GALNT1: variants seen among roughly 807,000 people sequenced by gnomAD.
GALNT1 encodes the protein polypeptide N-acetylgalactosaminyltransferase 1, also known as GalNAc transferase 1.
GALNT1 carries 17 observed loss-of-function variants against 65.7 expected under a neutral mutation model. That is an observed-to-expected ratio of 0.26 (90% CI 0.18 to 0.39). The LOEUF is 0.39. Among genes scored for constraint, GALNT1 ranks in the 10% least tolerant of loss-of-function variants. The probability of loss-of-function intolerance (pLI) is 1.00; values close to 1 mark genes in which losing one functional copy is unlikely to be tolerated. For synonymous variants in GALNT1, 210 were observed against 219.7 expected, an observed-to-expected ratio of 0.96 and a Z score of 0.39; for missense variants, 460 against 672.8, an observed-to-expected ratio of 0.68 and a Z score of 3.50.
At chr18:35,672,684 A>G (rs1384332159) in intron 3 of GALNT1, among the ~76,000 whole-genome samples, 3 of 152,010 alleles carry the variant, frequency 2.0e-5, no homozygotes, top group Non-Finnish European at 2.9e-5. Context: ...AGAGTTAAAT[A>G]GAAGTAACAG....
intron 3 of GALNT1, among the ~76,000 whole-genome samples, chr18:35,673,202 AAG>A (rs2047660148): frequency 6.6e-6 from 1 of 152,184 alleles, no homozygotes; most frequent in African/African-American, 2.4e-5. Flanking sequence ...ATGGGAGAAA[AAG>A]AATACATTGA....
chr18:35,703,337 A>G (rs1367890517), intron 10 of GALNT1, among the ~76,000 whole-genome samples, 172 bp from the exon 11 acceptor site: 1 of 152,210 alleles, frequency 6.6e-6, no homozygotes, highest in Non-Finnish European at 1.5e-5. Flanking sequence ...GTAACATAAC[A>G]TCAATGTAAA....
chr18:35,603,519 T>C (rs970546951), intron 1 of GALNT1, among the ~76,000 whole-genome samples: 1 of 152,186 alleles, frequency 6.6e-6, no homozygotes, highest in Non-Finnish European at 1.5e-5. Flanking sequence ...TCTATACATA[T>C]TTTAAATGGT....
intron 1 of GALNT1, chr18:35,627,348 AAGTGGAAC>A (rs2046931871): frequency 6.6e-6 from 1 of 152,266 alleles, no homozygotes; most frequent in South Asian, 2.1e-4. Flanking sequence ...GCCTACAGTT[AAGTGGAAC>A]AGGGTGGCTG....
At chr18:35,599,722 C>T (rs1488154241) in intron 1 of GALNT1, among the ~76,000 whole-genome samples, 1 of 152,168 alleles carries the variant, frequency 6.6e-6, no homozygotes, top group Non-Finnish European at 1.5e-5. Flanking sequence ...AAATAGGGAT[C>T]TAGCTTTATT....
At chr18:35,668,797 A>G (rs187114333) in intron 3 of GALNT1, among the ~76,000 whole-genome samples, 1 of 152,344 alleles carries the variant, frequency 6.6e-6, no homozygotes, top group East Asian at 1.9e-4. Flanking sequence ...AATGACGTAA[A>G]GATAAGATTA....
chr18:35,631,743 A>G (rs984911314), intron 1 of GALNT1, among the ~76,000 whole-genome samples: 2 of 152,164 alleles, frequency 1.3e-5, no homozygotes, highest in African/African-American at 4.8e-5. Context: ...AGGGTATTCA[A>G]TTAGGAAAAG....
chr18:35,683,122 A>C (rs1186989634), intron 4 of GALNT1, among the ~76,000 whole-genome samples: 1 of 152,158 alleles, frequency 6.6e-6, no homozygotes, highest in African/African-American at 2.4e-5. Context: ...AGAGTTACTT[A>C]GCGAAACATA....
intron 11 of GALNT1, among the ~76,000 whole-genome samples, chr18:35,704,958 C>T (rs1416252936): frequency 6.6e-6 from 1 of 152,182 alleles, no homozygotes; most frequent in East Asian, 1.9e-4. Context: ...CTGATATTTT[C>T]ATATCCTCTT....
chr18:35,639,249 G>A (rs1322903212), intron 1 of GALNT1, among the ~76,000 whole-genome samples: 1 of 152,052 alleles, frequency 6.6e-6, no homozygotes, highest in Non-Finnish European at 1.5e-5. Context: ...AAGAAATTGC[G>A]ACAGCCACTC....
rs531190240 is a variant in GALNT1 at position 35,628,222 on chromosome 18, T to G, written c.-103-26338T>G. The stretch of plus-strand genomic sequence containing the variant: ...TCTGACAGCTTGGAAGAGAGTAGTG[T>G]TTCTCCCAGCATGGAGTTTGAGATC... On this transcript the variant is annotated intron_variant, in intron 1 of 11. Coordinates refer to ENST00000269195, the MANE Select transcript of GALNT1 (RefSeq NM_020474.4). 3.9e-4 allele frequency among the ~76,000 whole-genome samples: 60 copies of G among 152,200 alleles called. No homozygotes were observed. In the Middle Eastern group the frequency reaches 0.01, roughly 26 times the overall value.
At position 35,611,920 on chromosome 18, in the gene GALNT1, A is replaced by G. The variant is rs552957587; in HGVS notation, c.-104+30058A>G. ...CCCACAAAGCTTCTGTTTTTACACA[A>G]AAATCCTGTCTCTAAATTTGTAGGC... On this transcript the variant is annotated intron_variant, in intron 1 of 11. Coordinates refer to ENST00000269195, the MANE Select transcript of GALNT1 (RefSeq NM_020474.4). 3.4e-4 allele frequency among the ~76,000 whole-genome samples: 52 copies of G among 152,356 alleles called. No homozygotes were observed. In the South Asian group the frequency reaches 5.4e-3, roughly 16 times the overall value.
chr18:35,679,187 T>C (rs2047753165), intron 4 of GALNT1, among the ~76,000 whole-genome samples: 2 of 152,190 alleles, frequency 1.3e-5, no homozygotes, highest in South Asian at 2.1e-4. Flanking sequence ...AAAATTAACC[T>C]AAGTTAATAT....
chr18:35,696,518 T>C (rs1189922431), intron 9 of GALNT1, among the ~76,000 whole-genome samples: 2 of 152,236 alleles, frequency 1.3e-5, no homozygotes, highest in African/African-American at 4.8e-5. Context: ...GAGCTGAGTA[T>C]TCTAAACAAC....
At position 35,688,785 on chromosome 18, in the gene GALNT1, T is replaced by C. The variant is rs530192134; in HGVS notation, c.861-388T>C. Among the ~76,000 whole-genome samples the C allele has an allele frequency of 1.6e-4, 24 of 152,292 alleles. 1 individual carries two copies. The South Asian group carries it at 5.0e-3, about 32-fold the overall frequency. On this transcript the variant is annotated intron_variant, in intron 6 of 11. Transcript: ENST00000269195. The stretch of plus-strand genomic sequence containing the variant: ...ATATAGTCAACTGCCTTGAAGTTGC[T>C]AGGATCTGTGGAGTGGGTGCACAGT...
intron 1 of GALNT1, among the ~76,000 whole-genome samples, chr18:35,646,731 T>C (rs979053211): frequency 1.3e-5 from 2 of 152,180 alleles, no homozygotes; most frequent in African/African-American, 4.8e-5. Context: ...ACAAAAAGTA[T>C]TTTGTGTGTT....
At chr18:35,591,797 A>G (rs1372382558) in intron 1 of GALNT1, 3 of 154,380 alleles carry the variant, frequency 1.9e-5, no homozygotes, top group African/African-American at 7.2e-5. Context: ...CTAATGCACT[A>G]CTTCACATGA....
At chr18:35,691,854 G>GCAAA (rs1211989743) in intron 8 of GALNT1, among the ~76,000 whole-genome samples, 1 of 152,270 alleles carries the variant, frequency 6.6e-6, no homozygotes, top group East Asian at 1.9e-4. Flanking sequence ...AAGCCTGACT[G>GCAAA]CAAACAATTG....
intron 1 of GALNT1, among the ~76,000 whole-genome samples, chr18:35,632,859 AAAC>A (rs1384524726): frequency 1.7e-4 from 26 of 152,174 alleles, no homozygotes; most frequent in Non-Finnish European, 2.5e-4. Flanking sequence ...TACAAGAAAA[AAAC>A]AAACCCATCA....
Sources: gnomAD v4.1 joint callset for allele counts (sites outside exome capture counted in the v4.1 genomes callset) on GRCh38, gnomAD v4.1.1 for gene constraint, MANE v1.5 for transcripts, NCBI Gene and HGNC (gene_info 2026-07-23, HGNC 2026-07-21) for gene names.